Variants in KIF6 observed in about 807,000 individuals in gnomAD.
KIF6 encodes kinesin-like protein KIF6.
KIF6 carries 106 observed loss-of-function variants against 112.7 expected under a neutral mutation model. That is an observed-to-expected ratio of 0.94 (90% CI 0.80 to 1.11). The LOEUF is 1.11. KIF6 is among the 50% of genes least tolerant of loss of function. KIF6 has a pLI of 0.00. For synonymous variants in KIF6, 339 were observed against 339.9 expected, an observed-to-expected ratio of 1.00 and a Z score of 0.03; for missense variants, 929 against 964.0, an observed-to-expected ratio of 0.96 and a Z score of 0.48.
intron 19 of KIF6, among the ~76,000 whole-genome samples, chr6:39,356,741 G>A (rs932989014): frequency 4.6e-5 from 7 of 152,290 alleles, no homozygotes; most frequent in Middle Eastern, 6.8e-3. Context: ...TACCCCCTGG[G>A]TTGTGTGGTT....
intron 13 of KIF6, among the ~76,000 whole-genome samples, chr6:39,459,432 C>T (rs1350169861): frequency 2.1e-3 from 4 of 1,900 alleles, no homozygotes; most frequent in African/African-American, 0.012. Context: ...AGAAGAAAAC[C>T]TAGGCATTAC....
At chr6:39,414,630 G>C (rs889466595) in intron 15 of KIF6, among the ~76,000 whole-genome samples, 10 of 152,202 alleles carry the variant, frequency 6.6e-5, no homozygotes, top group African/African-American at 2.4e-4. Flanking sequence ...ACGCTACAAA[G>C]AGACTTTTAA....
intron 3 of KIF6, among the ~76,000 whole-genome samples, chr6:39,685,663 G>A (rs1466249878): frequency 6.6e-6 from 1 of 152,216 alleles, no homozygotes; most frequent in Non-Finnish European, 1.5e-5. Flanking sequence ...TAGAGATAGA[G>A]TAGGTGGATG....
intron 13 of KIF6, among the ~76,000 whole-genome samples, chr6:39,492,307 G>T (rs1031582790): frequency 2.0e-5 from 3 of 152,194 alleles, no homozygotes; most frequent in African/African-American, 7.2e-5. Context: ...TAATGGAGTG[G>T]ATTATAAATT....
intron 12 of KIF6, among the ~76,000 whole-genome samples, chr6:39,540,744 C>T (rs1778743672): frequency 6.6e-6 from 1 of 152,234 alleles, no homozygotes; most frequent in African/African-American, 2.4e-5. Flanking sequence ...GCACCCCAAG[C>T]TCAGCACGTG....
intron 3 of KIF6, among the ~76,000 whole-genome samples, chr6:39,676,087 AT>A (rs1267101048): frequency 6.7e-6 from 1 of 150,104 alleles, no homozygotes; most frequent in Non-Finnish European, 1.5e-5. Context: ...CTAGCTGAGA[AT>A]TTTCCAGAAT....
Position 39,556,650 on chromosome 6 carries a change from C to G in KIF6, c.1182-10962G>C, listed in dbSNP as rs543819789. Among the ~76,000 whole-genome samples the G allele has an allele frequency of 2.8e-5, 4 of 141,000 alleles. No individual in the cohort carries two copies. The South Asian group carries it at 7.3e-4, about 26-fold the overall frequency. The allele number at this position is 141,000 out of a possible 152,430, so 92.5% of individuals were successfully genotyped here. A position where few individuals can be genotyped will look rare whatever the true frequency, so the allele number is the denominator to read the frequency against. ...AGAGGCAAGACGGCCGGTGGGAGAA[C>G]AAGGTTAGGAAGGTGGGAAAGGTGG... On this transcript the variant is annotated intron_variant, in intron 10 of 22. Coordinates refer to ENST00000287152, the MANE Select transcript of KIF6 (RefSeq NM_145027.6).
In KIF6 at chr6:39,578,113, A is replaced by G. The variant is rs201058110; in HGVS notation, c.1124T>C (p.Leu375Pro). 2 of 1,614,146 alleles carry G rather than the reference A, an allele frequency of 1.2e-6. No individual in the cohort carries two copies. Among genetic ancestry groups the G allele is most frequent in the East Asian group, 4.5e-5 (2 of 44,886 alleles). The change falls in exon 10 of 23, where the codon CTG (leucine) becomes CCG (proline). Residue 375 changes from leucine (L) to proline (P), a missense_variant. Around this residue, in one of 2 missense-constraint regions of KIF6, gnomAD observed 688 missense variants for 662.7 expected, o/e 1.04. Coordinates refer to ENST00000287152, the MANE Select transcript of KIF6 (RefSeq NM_145027.6). ...QKEIQELKDELAMVTGEQRTE... is the reference protein window; with the variant it reads ...QKEIQELKDEPAMVTGEQRTE... ...CCTCTGCTCCCCAGTGACCATGGCC[A>G]GTTCATCCTTCAGTTCCTGGATTTC...
intron 13 of KIF6, among the ~76,000 whole-genome samples, chr6:39,455,179 G>A (rs1047262535): frequency 2.0e-5 from 3 of 152,088 alleles, no homozygotes; most frequent in African/African-American, 4.8e-5. Context: ...ATCTGAGAAC[G>A]GGCAGACTGC....
intron 3 of KIF6, among the ~76,000 whole-genome samples, chr6:39,695,967 T>TA (rs1321243137): frequency 6.6e-6 from 1 of 152,040 alleles, no homozygotes; most frequent in Non-Finnish European, 1.5e-5. Flanking sequence ...CACACAGCCA[T>TA]AAAAAAGAAT....
chr6:39,573,480 C>T (rs1472441487), intron 10 of KIF6, among the ~76,000 whole-genome samples: 1 of 152,148 alleles, frequency 6.6e-6, no homozygotes, highest in Non-Finnish European at 1.5e-5. Flanking sequence ...AAAAACAGAA[C>T]ACATTGTCTG....
At chr6:39,352,014 T>A (rs551469083) in intron 19 of KIF6, among the ~76,000 whole-genome samples, 2 of 152,342 alleles carry the variant, frequency 1.3e-5, no homozygotes, top group South Asian at 4.1e-4. Flanking sequence ...GGTGAATGCA[T>A]GGAGTGGGCC....
intron 3 of KIF6, among the ~76,000 whole-genome samples, chr6:39,709,239 T>A (rs1789389334): frequency 6.6e-6 from 1 of 152,262 alleles, no homozygotes; most frequent in African/African-American, 2.4e-5. Flanking sequence ...CCCTGCCATT[T>A]TTGGCACCAG....
chr6:39,374,035 A>T (rs1165495601), intron 16 of KIF6, among the ~76,000 whole-genome samples: 1 of 152,206 alleles, frequency 6.6e-6, no homozygotes, highest in Non-Finnish European at 1.5e-5. Flanking sequence ...AGACACATTG[A>T]CCAATGCAAC....
chr6:39,640,645 C>T (rs186862793), intron 3 of KIF6, among the ~76,000 whole-genome samples: 1 of 152,136 alleles, frequency 6.6e-6, no homozygotes, highest in Admixed American at 6.6e-5. Context: ...GAATTCCTCC[C>T]TATTAGTTCT....
chr6:39,483,374 T>C (rs554110108), intron 13 of KIF6, among the ~76,000 whole-genome samples: 1 of 152,310 alleles, frequency 6.6e-6, no homozygotes, highest in Non-Finnish European at 1.5e-5. Context: ...CCTTCCTCCA[T>C]CTCTTGCTTG....
intron 7 of KIF6, among the ~76,000 whole-genome samples, chr6:39,588,567 T>C (rs897765765): frequency 3.3e-5 from 5 of 152,136 alleles, no homozygotes; most frequent in Non-Finnish European, 1.5e-5. Context: ...ATTTATACCA[T>C]CAATCTCAAC....
At chr6:39,424,695 T>C (rs2150371378) in intron 14 of KIF6, among the ~76,000 whole-genome samples, 1 of 152,284 alleles carries the variant, frequency 6.6e-6, no homozygotes, top group Middle Eastern at 3.4e-3. Context: ...AGAGCATGCA[T>C]GCAAATATGT....
intron 14 of KIF6, among the ~76,000 whole-genome samples, chr6:39,423,027 C>T (rs1203426535): frequency 2.0e-5 from 3 of 152,160 alleles, no homozygotes; most frequent in Admixed American, 6.5e-5. Flanking sequence ...GATGAGCGCC[C>T]GAGGGTTTCT....
Sources: allele counts gnomAD v4.1 joint callset (sites outside exome capture counted in the v4.1 genomes callset), GRCh38; gene constraint gnomAD v4.1.1; regional missense constraint gnomAD v4.1.1; transcripts MANE v1.5; gene names NCBI Gene and HGNC (gene_info 2026-07-23, HGNC 2026-07-21).